The following TMEM132B variants were observed in gnomAD, a reference collection of about 807,000 sequenced individuals.
The protein encoded by TMEM132B is transmembrane protein 132B.
A neutral mutation model predicts 90.8 loss-of-function variants in TMEM132B; 18 were observed. That is an observed-to-expected ratio of 0.20 (90% CI 0.14 to 0.29). TMEM132B has a LOEUF of 0.29. Among genes scored for constraint, TMEM132B ranks in the 10% least tolerant of loss-of-function variants. TMEM132B has a pLI of 1.00. For synonymous variants in TMEM132B, 504 were observed against 523.3 expected, an observed-to-expected ratio of 0.96 and a Z score of 0.50; for missense variants, 1,096 against 1,326.8, an observed-to-expected ratio of 0.83 and a Z score of 2.70.
At chr12:125,569,005 G>A (rs1884727939) in intron 4 of TMEM132B, among the ~76,000 whole-genome samples, 1 of 152,162 alleles carries the variant, frequency 6.6e-6, no homozygotes, top group African/African-American at 2.4e-5. Flanking sequence ...GGTTGGGCGA[G>A]TCCCAGCTCA....
intron 2 of TMEM132B, among the ~76,000 whole-genome samples, chr12:125,404,498 C>T (rs1477758378): frequency 6.6e-6 from 1 of 152,180 alleles, no homozygotes; most frequent in East Asian, 1.9e-4. Flanking sequence ...TGTCTGATCT[C>T]TGGAGACCGT....
intron 5 of TMEM132B, among the ~76,000 whole-genome samples, chr12:125,624,882 A>G (rs1253455043): frequency 1.9e-4 from 29 of 152,238 alleles, no homozygotes; most frequent in Admixed American, 1.9e-3. Flanking sequence ...TACAGAGTAA[A>G]ATGTGCTTTT....
chr12:125,506,811 G>A (rs1034534590), intron 3 of TMEM132B, among the ~76,000 whole-genome samples: 3 of 152,166 alleles, frequency 2.0e-5, no homozygotes, highest in Non-Finnish European at 2.9e-5. Flanking sequence ...GCATGGACAG[G>A]GATTGGGTCT....
chr12:125,583,337 G>C (rs545159391), intron 4 of TMEM132B, among the ~76,000 whole-genome samples: 1 of 152,126 alleles, frequency 6.6e-6, no homozygotes, highest in South Asian at 2.1e-4. Context: ...GGGGAGGTGG[G>C]GTGTGGCAGT....
chr12:125,595,112 G>A (rs1179890371), intron 5 of TMEM132B, among the ~76,000 whole-genome samples: 1 of 152,152 alleles, frequency 6.6e-6, no homozygotes. Context: ...GCTATTGAGA[G>A]GCAGTTTTGA....
chr12:125,592,168 A>G (rs913754829), intron 5 of TMEM132B, among the ~76,000 whole-genome samples: 2 of 152,136 alleles, frequency 1.3e-5, no homozygotes, highest in Non-Finnish European at 2.9e-5. Flanking sequence ...ATTATGATTT[A>G]ATCTTTATGT....
chr12:125,425,847 A>G (rs1231684664), intron 3 of TMEM132B, among the ~76,000 whole-genome samples: 1 of 152,160 alleles, frequency 6.6e-6, no homozygotes, highest in Non-Finnish European at 1.5e-5. Context: ...ACATTTATCT[A>G]CTGAGGGACA....
chr12:125,385,687 T>C (rs1566019689), intron 2 of TMEM132B, among the ~76,000 whole-genome samples: 1 of 152,236 alleles, frequency 6.6e-6, no homozygotes, highest in Non-Finnish European at 1.5e-5. Context: ...AAAAGAAACA[T>C]AATCAATTGA....
chr12:125,535,910 C>T (rs1368205914), intron 4 of TMEM132B, among the ~76,000 whole-genome samples: 1 of 152,186 alleles, frequency 6.6e-6, no homozygotes, highest in Non-Finnish European at 1.5e-5. Flanking sequence ...AGTCTACTTT[C>T]CTTGGGGGAC....
chr12:125,228,728 G>T (rs1484100383), intron 1 of TMEM132B, among the ~76,000 whole-genome samples: 1 of 152,184 alleles, frequency 6.6e-6, no homozygotes, highest in African/African-American at 2.4e-5. Flanking sequence ...CCCCCTGTTG[G>T]CTGCTAGAAT....
At chr12:125,466,517 G>T (rs567995603) in intron 3 of TMEM132B, among the ~76,000 whole-genome samples, 13 of 152,348 alleles carry the variant, frequency 8.5e-5, no homozygotes, top group African/African-American at 3.1e-4. Flanking sequence ...GAGCATCACT[G>T]TTCTGCTATG....
Position 125,255,554 on chromosome 12 carries a change from A to T in TMEM132B, c.67+68688A>T, listed in dbSNP as rs553939002. 9.8e-5 allele frequency among the ~76,000 whole-genome samples: 15 copies of T among 152,292 alleles called. No individual in the cohort carries two copies. The East Asian group carries it at 2.5e-3, about 25-fold the overall frequency. Reference sequence around the variant, plus strand: ...TCCTAAAAATTGCTCCCTTGGGTTCAGCTCCACCATATTAAAGGATCTTTT... The same window carrying T: ...TCCTAAAAATTGCTCCCTTGGGTTCTGCTCCACCATATTAAAGGATCTTTT... On this transcript the variant is annotated intron_variant, in intron 1 of 8. Transcript: ENST00000682704.
At chr12:125,387,850 T>C (rs1411812432) in intron 2 of TMEM132B, among the ~76,000 whole-genome samples, 1 of 152,214 alleles carries the variant, frequency 6.6e-6, no homozygotes, top group East Asian at 1.9e-4. Flanking sequence ...TAAAGAATTC[T>C]GGATACTGAG....
At chr12:125,432,528 T>TATATATATAGAGAGAGAGAG (rs1458075923) in intron 3 of TMEM132B, among the ~76,000 whole-genome samples, 2 of 39,126 alleles carry the variant, frequency 5.1e-5, no homozygotes, top group Admixed American at 2.6e-4. Context: ...TATATATATA[T>TATATATATAGAGAGAGAGAG]AGAGAGAGAG....
At position 125,216,584 on chromosome 12, in the gene TMEM132B, GC is replaced by G. The variant is rs1248944202; in HGVS notation, c.67+29719del. ...AGTGCTGAGATGTCTTTTCAGCCTG[GC>G]ATTGCCCTTGGAATTACTCCGTTAT... On this transcript the variant is annotated intron_variant, in intron 1 of 8. Transcript: ENST00000682704. Among the ~76,000 whole-genome samples the G allele has an allele frequency of 2.6e-5, 4 of 152,152 alleles. No homozygotes were observed. In the East Asian group the frequency reaches 7.7e-4, roughly 29 times the overall value.
intron 1 of TMEM132B, among the ~76,000 whole-genome samples, chr12:125,253,011 G>A (rs113546717): frequency 1.8e-3 from 276 of 152,328 alleles, no homozygotes; most frequent in African/African-American, 6.3e-3. Context: ...CTGGAGCCCC[G>A]TGGAGCCGGG....
intron 1 of TMEM132B, among the ~76,000 whole-genome samples, chr12:125,330,149 T>C (rs893277439): frequency 7.9e-5 from 12 of 152,264 alleles, no homozygotes; most frequent in African/African-American, 2.9e-4. Flanking sequence ...TAGAATTTCA[T>C]ATTCTTCCGG....
At chr12:125,310,962 T>G (rs1876108801) in intron 1 of TMEM132B, among the ~76,000 whole-genome samples, 1 of 152,202 alleles carries the variant, frequency 6.6e-6, no homozygotes, top group Non-Finnish European at 1.5e-5. Flanking sequence ...GGCTGTTCAA[T>G]TATATGCACC....
At chr12:125,206,655 C>T (rs564914924) in intron 1 of TMEM132B, among the ~76,000 whole-genome samples, 71 of 152,216 alleles carry the variant, frequency 4.7e-4, no homozygotes, top group South Asian at 8.3e-4. Context: ...GCCCATTGCT[C>T]GGTTGCCTTG....
Sources: gnomAD v4.1 joint callset for allele counts (sites outside exome capture counted in the v4.1 genomes callset) on GRCh38, gnomAD v4.1.1 for gene constraint, MANE v1.5 for transcripts, NCBI Gene and HGNC (gene_info 2026-07-23, HGNC 2026-07-21) for gene names.